The following PXDN variants were observed in gnomAD, a reference collection of about 807,000 sequenced individuals.
The protein encoded by PXDN is peroxidasin, also known as peroxidasin homolog.
Under a neutral mutation model 140.3 loss-of-function variants are expected in PXDN, and 77 were observed. The ratio of observed to expected loss-of-function variants is 0.55; its 90% CI spans 0.46 to 0.66. The LOEUF is 0.66. Ranked by LOEUF, PXDN falls within the 30% of genes least tolerant of loss-of-function variation. The pLI is 0.00. For synonymous variants in PXDN, 911 were observed against 857.4 expected (o/e 1.06, Z -1.09); for missense variants, 1,838 against 2,039.5 (o/e 0.90, Z 1.90).
chr2:1,706,533 A>G (rs1201875489), intron 1 of PXDN, among the ~76,000 whole-genome samples: 13 of 144,158 alleles, frequency 9.0e-5, no homozygotes, highest in East Asian at 2.0e-4. Context: ...AGTGTTCACC[A>G]ATCAGCTCTA....
At chr2:1,707,820 C>G (rs1414557343) in intron 1 of PXDN, among the ~76,000 whole-genome samples, 1 of 151,970 alleles carries the variant, frequency 6.6e-6, no homozygotes, top group Non-Finnish European at 1.5e-5. Context: ...TAGCAGCATG[C>G]CGGTGACTGT....
chr2:1,665,665 T>C (rs1008078056), intron 10 of PXDN, among the ~76,000 whole-genome samples: 2 of 152,332 alleles, frequency 1.3e-5, no homozygotes, highest in East Asian at 3.9e-4. Flanking sequence ...GATTGCTCTA[T>C]CTCTAATATC....
chr2:1,635,738 G>T (rs1682537972), intron 21 of PXDN: 1 of 549,708 alleles, frequency 1.8e-6, no homozygotes, highest in Non-Finnish European at 3.3e-6. Flanking sequence ...CCACCGTGCT[G>T]TCAAATAAAA....
chr2:1,702,036 G>A (rs1369748822), intron 1 of PXDN, among the ~76,000 whole-genome samples: 2 of 152,104 alleles, frequency 1.3e-5, no homozygotes, highest in African/African-American at 4.8e-5. Flanking sequence ...CCTCAGAGAC[G>A]CCTGAACGGA....
chr2:1,720,929 G>A lies in PXDN; in HGVS notation c.200+23327C>T, dbSNP rs78092655. Among the ~76,000 whole-genome samples, 2,647 of 152,226 alleles carry A rather than the reference G, an allele frequency of 0.017. 257 individuals carry two copies. The East Asian group carries it at 0.3, about 17-fold the overall frequency. On this transcript the variant is annotated intron_variant, in intron 1 of 22. Coordinates refer to ENST00000252804, the MANE Select transcript of PXDN (RefSeq NM_012293.3). ...TTACTGATGCTACAGCCCCGGGGAA[G>A]CATGGTAGCTGCAGCTCCAGTCCAA...
chr2:1,705,160 C>CCCGGAG lies in PXDN; in HGVS notation c.201-12032_201-12027dup, dbSNP rs58233627. The stretch of plus-strand genomic sequence containing the variant: ...CACACATCCCAGTGCCCTGGGCCTC[C>CCCGGAG]CCGGAGCCGTGAGAGCAGAGCATGT... On this transcript the variant is annotated intron_variant, in intron 1 of 22. Coordinates refer to ENST00000252804, the MANE Select transcript of PXDN (RefSeq NM_012293.3). Among the ~76,000 whole-genome samples, 2,935 of 152,072 alleles carry CCCGGAG rather than the reference C, an allele frequency of 0.019. 225 individuals carry two copies. In the East Asian group the frequency reaches 0.28, roughly 15 times the overall value.
intron 19 of PXDN, among the ~76,000 whole-genome samples, chr2:1,642,207 A>C (rs964430921): frequency 6.6e-6 from 1 of 150,970 alleles, no homozygotes; most frequent in Non-Finnish European, 1.5e-5. Flanking sequence ...GATCACACAC[A>C]CCCCCCACAC....
intron 1 of PXDN, among the ~76,000 whole-genome samples, chr2:1,720,528 G>A (rs1685016035): frequency 6.6e-6 from 1 of 152,046 alleles, no homozygotes; most frequent in Non-Finnish European, 1.5e-5. Flanking sequence ...TCTGCAGGGA[G>A]TGCCTCGCTC....
At chr2:1,668,393 CAA>C (rs1053484906) in intron 9 of PXDN, among the ~76,000 whole-genome samples, 9 of 152,096 alleles carry the variant, frequency 5.9e-5, no homozygotes, top group Non-Finnish European at 1.3e-4. Context: ...CAGGCATGGG[CAA>C]AGACTTTGTG....
chr2:1,647,797 C>T (rs1459424792), intron 17 of PXDN, among the ~76,000 whole-genome samples: 5 of 152,246 alleles, frequency 3.3e-5, no homozygotes, highest in African/African-American at 1.2e-4. Flanking sequence ...GCCCAACAGC[C>T]ACAGTGTCAG....
chr2:1,730,854 T>G (rs1005706573), intron 1 of PXDN, among the ~76,000 whole-genome samples: 1 of 151,922 alleles, frequency 6.6e-6, no homozygotes, highest in Non-Finnish European at 1.5e-5. Context: ...GCTGAAACCA[T>G]TCTACCCTTA....
intron 1 of PXDN, among the ~76,000 whole-genome samples, chr2:1,728,637 G>C (rs888767267): frequency 6.6e-6 from 1 of 152,094 alleles, no homozygotes; most frequent in African/African-American, 2.4e-5. Flanking sequence ...TTGTGCTTTT[G>C]TTGGTGATTT....
Position 1,643,561 on chromosome 2 carries a change from G to T in PXDN, c.3759C>A (p.Asn1253Lys). 6.2e-7 allele frequency: 1 copy of T among 1,613,856 alleles called. No homozygotes were observed. The change falls in exon 19 of 23, where the codon AAC becomes AAA. Residue 1253 changes from asparagine (N) to lysine (K), a missense_variant. Asn to Lys is a moderately conservative substitution (Grantham distance 94). This residue lies in a region of PXDN where 850 missense variants were observed against 894.1 expected (regional missense o/e 0.95). Coordinates refer to ENST00000252804, the MANE Select transcript of PXDN (RefSeq NM_012293.3). ...LRDGDRLWYE[N>K]PGVFSPAQLT... ...GCTGGGCCGGGGAGAACACCCCAGGGTTCTCATACCACAACCTGGATCCCC... is the reference window on the plus strand; with the variant it reads ...GCTGGGCCGGGGAGAACACCCCAGGTTTCTCATACCACAACCTGGATCCCC...
chr2:1,664,701 C>A (rs1034338534), intron 11 of PXDN: 1 of 462,134 alleles, frequency 2.2e-6, no homozygotes, highest in Non-Finnish European at 3.9e-6. Flanking sequence ...AAGGCAGGAA[C>A]CCCAAGTCTC....
At chr2:1,693,649 A>G (rs1684232372) in intron 1 of PXDN, among the ~76,000 whole-genome samples, 1 of 152,254 alleles carries the variant, frequency 6.6e-6, no homozygotes, top group South Asian at 2.1e-4. Context: ...CTAACTGGGA[A>G]AATAGGCTTT....
chr2:1,691,278 T>C (rs566125749), intron 3 of PXDN, among the ~76,000 whole-genome samples: 1 of 152,352 alleles, frequency 6.6e-6, no homozygotes, highest in Admixed American at 6.5e-5. Context: ...TTTCCAATTT[T>C]ATAGCAAGTA....
chr2:1,653,205 C>T (rs1420157395), intron 16 of PXDN: 1 of 318,452 alleles, frequency 3.1e-6, no homozygotes, highest in African/African-American at 2.2e-5. Context: ...TTCACAGACC[C>T]GGGACTCTTC....
rs142236641 is a variant in PXDN at position 1,700,176 on chromosome 2, C to T, written c.201-7042G>A. 3.2e-3 allele frequency among the ~76,000 whole-genome samples: 494 copies of T among 152,278 alleles called. 8 individuals are homozygous for T. The highest frequency in any genetic ancestry group is 0.028 in the East Asian group (143 of 5,158). ...TCCCGGGTTCAAGCAATTCTCCTGC[C>T]TCAGCCTCCCAAGTAGCTGGGATTA... On this transcript the variant is annotated intron_variant, in intron 1 of 22. Transcript: ENST00000252804.
Position 1,648,297 on chromosome 2 carries a change from C to G in PXDN, c.3483G>C (p.Arg1161=). Residue 1161 remains arginine (R), a synonymous_variant, in exon 17 of 23, where the codon CGG becomes CGC. Transcript: ENST00000252804. The surrounding 1 kb of genome is among the most constrained non-coding windows in gnomAD (Gnocchi z 8.9). The stretch of plus-strand genomic sequence containing the variant: ...AGGGTGGGATCCCGTGGTCCCGGCC[C>G]CGCTGGATGTTGATGGCCGCCAGGT... ...ALDLAAINIQ[R]GRDHGIPPYH... The G allele has an allele frequency of 6.2e-7, 1 of 1,613,912 alleles. No homozygotes were observed. The highest frequency in any genetic ancestry group is 1.3e-5 in the African/African-American group (1 of 75,030).
Sources: gnomAD v4.1 joint callset for allele counts (sites outside exome capture counted in the v4.1 genomes callset) on GRCh38, gnomAD v4.1.1 for gene constraint, gnomAD v4.1.1 regional missense constraint, Gnocchi (gnomAD v3.1) non-coding constraint, MANE v1.5 for transcripts, NCBI Gene and HGNC (gene_info 2026-07-23, HGNC 2026-07-21) for gene names.